The following CTIF variants were observed in gnomAD, a reference collection of about 807,000 sequenced individuals.
CTIF encodes cap binding complex dependent translation initiation factor.
Under a neutral mutation model 66.0 loss-of-function variants are expected in CTIF, and 21 were observed. The observed-to-expected ratio is 0.32, with a 90% confidence interval of 0.23 to 0.46. The LOEUF (loss-of-function observed/expected upper bound fraction) is 0.46. Ranked by LOEUF, CTIF falls within the 20% of genes least tolerant of loss-of-function variation. The pLI, the probability that CTIF is intolerant of heterozygous loss-of-function variation, is 1.00. For synonymous variants in CTIF, 345 were observed against 326.4 expected, an observed-to-expected ratio of 1.06 and a Z score of -0.62; for missense variants, 739 against 812.7, an observed-to-expected ratio of 0.91 and a Z score of 1.10.
intron 6 of CTIF, among the ~76,000 whole-genome samples, chr18:48,701,464 C>T (rs903064238): frequency 3.3e-5 from 5 of 152,052 alleles, no homozygotes; most frequent in Non-Finnish European, 1.5e-5. Flanking sequence ...CTGGAGAAGG[C>T]CCGTAGCCTT....
chr18:48,789,054 G>A (rs112432704), intron 9 of CTIF, among the ~76,000 whole-genome samples: 1 of 152,146 alleles, frequency 6.6e-6, no homozygotes, highest in Non-Finnish European at 1.5e-5. Context: ...GTGCACGTAG[G>A]TCCCTCAGCA....
intron 10 of CTIF, among the ~76,000 whole-genome samples, chr18:48,819,468 G>A (rs112136057): frequency 0.025 from 3,807 of 152,262 alleles, 152 homozygotes; most frequent in African/African-American, 0.087. Flanking sequence ...TGGTGTTGTC[G>A]TCACCTGCTC....
At chr18:48,639,760 G>A (rs988618573) in intron 3 of CTIF, among the ~76,000 whole-genome samples, 2 of 152,290 alleles carry the variant, frequency 1.3e-5, no homozygotes, top group Admixed American at 1.3e-4. Context: ...TGTGGGGGCC[G>A]GATCCTTGCT....
At chr18:48,796,973 G>A (rs1281503149) in intron 9 of CTIF, among the ~76,000 whole-genome samples, 2 of 152,082 alleles carry the variant, frequency 1.3e-5, no homozygotes, top group Non-Finnish European at 1.5e-5. Flanking sequence ...GCCCACCCCA[G>A]AGCAAAAAGG....
intron 1 of CTIF, among the ~76,000 whole-genome samples, chr18:48,580,540 C>T (rs2089631685): frequency 6.6e-6 from 1 of 152,230 alleles, no homozygotes; most frequent in Non-Finnish European, 1.5e-5. Context: ...GCTTTCTACA[C>T]ATCCTGAAGT....
chr18:48,688,699 A>G (rs749763361), intron 6 of CTIF, among the ~76,000 whole-genome samples: 23 of 152,202 alleles, frequency 1.5e-4, no homozygotes, highest in Admixed American at 3.9e-4. Flanking sequence ...GTCTTCCCAC[A>G]CATCCTGTAG....
intron 1 of CTIF, among the ~76,000 whole-genome samples, chr18:48,577,094 T>C (rs557946982): frequency 1.3e-5 from 2 of 152,312 alleles, no homozygotes; most frequent in African/African-American, 4.8e-5. Context: ...GACTTGAGGT[T>C]GGAGACGTGA....
At chr18:48,781,440 G>A (rs1322689722) in intron 9 of CTIF, among the ~76,000 whole-genome samples, 2 of 152,222 alleles carry the variant, frequency 1.3e-5, no homozygotes, top group Non-Finnish European at 2.9e-5. Flanking sequence ...AGGGGAGGCA[G>A]CCAGGCTGGA....
At chr18:48,708,228 A>AGAG (rs2092182930) in intron 6 of CTIF, among the ~76,000 whole-genome samples, 20 of 152,212 alleles carry the variant, frequency 1.3e-4, no homozygotes, top group Admixed American at 1.1e-3. Flanking sequence ...AGCTCTGCCA[A>AGAG]CCTGCATGAG....
intron 10 of CTIF, among the ~76,000 whole-genome samples, chr18:48,847,376 A>G (rs1040839690): frequency 2.6e-5 from 4 of 152,124 alleles, no homozygotes; most frequent in African/African-American, 7.2e-5. Context: ...TGGGAAATTA[A>G]TATCATTCCG....
Position 48,547,423 on chromosome 18 carries a change from G to T in CTIF, c.-29+8111G>T, listed in dbSNP as rs569878150. On this transcript the variant is annotated intron_variant, in intron 1 of 11. Transcript: ENST00000256413. ...TGTCTTCCCATGCTCAGAGTCTTTA[G>T]TTCCTACAGTTTCAAACTCAGGAGA... 6.2e-4 allele frequency among the ~76,000 whole-genome samples: 95 copies of T among 152,294 alleles called. 4 individuals are homozygous for T. The South Asian group carries it at 0.019, about 31-fold the overall frequency.
chr18:48,644,151 A>C (rs1210220714), intron 3 of CTIF, among the ~76,000 whole-genome samples: 1 of 152,150 alleles, frequency 6.6e-6, no homozygotes, highest in Non-Finnish European at 1.5e-5. Flanking sequence ...TCTTTCCTGC[A>C]TGAGGAATTG....
intron 7 of CTIF, among the ~76,000 whole-genome samples, chr18:48,742,668 A>G (rs546360224): frequency 6.6e-6 from 1 of 152,366 alleles, no homozygotes; most frequent in African/African-American, 2.4e-5. Flanking sequence ...AGCCAGTGCA[A>G]TAGACTTTAT....
In CTIF at chr18:48,609,019, A is replaced by G. The variant is rs558399123; in HGVS notation, c.-28-10519A>G. Among the ~76,000 whole-genome samples, 143 of 152,332 alleles carry G rather than the reference A, an allele frequency of 9.4e-4. 1 individual carries two copies. Among genetic ancestry groups the G allele is most frequent in the African/African-American group, 3.2e-3 (133 of 41,576 alleles). The stretch of plus-strand genomic sequence containing the variant: ...TGGTTTCCCTTCCTAGCATGCTCCA[A>G]GTTAATTTTCATTCTTGGCCAATAA... On this transcript the variant is annotated intron_variant, in intron 1 of 11. Transcript: ENST00000256413.
intron 9 of CTIF, among the ~76,000 whole-genome samples, chr18:48,816,552 G>T (rs1002638533): frequency 6.6e-6 from 1 of 152,128 alleles, no homozygotes; most frequent in Non-Finnish European, 1.5e-5. Flanking sequence ...CAGCTCCTTG[G>T]TTTTTTATAC....
rs998706068 is a variant in CTIF, at chr18:48,664,996, G to C, written c.431+445G>C. On this transcript the variant is annotated intron_variant, in intron 5 of 11. Transcript: ENST00000256413. ...GTGGCGCAATCTCGGCTCACTGCAA[G>C]CTCCGCTTCCCGGGTTCACGCCATT... is the stretch of plus-strand genomic sequence containing the variant. 1.8e-4 allele frequency among the ~76,000 whole-genome samples: 27 copies of C among 148,674 alleles called. 1 individual carries two copies. Among genetic ancestry groups the C allele is most frequent in the African/African-American group, 6.7e-4 (27 of 40,458 alleles).
chr18:48,766,110 C>T (rs1373771848), intron 9 of CTIF, among the ~76,000 whole-genome samples: 3 of 116,206 alleles, frequency 2.6e-5, no homozygotes, highest in South Asian at 3.4e-4. Context: ...CCCCTCCCCC[C>T]ACCCCACAAC....
At chr18:48,551,602 C>G (rs1376218059) in intron 1 of CTIF, among the ~76,000 whole-genome samples, 1 of 152,118 alleles carries the variant, frequency 6.6e-6, no homozygotes, top group Non-Finnish European at 1.5e-5. Context: ...AGTTGTTATT[C>G]TTCTCTTTTG....
intron 10 of CTIF, among the ~76,000 whole-genome samples, chr18:48,836,612 C>T (rs1162547433): frequency 6.6e-6 from 1 of 152,222 alleles, no homozygotes. Flanking sequence ...CCAGCACCTG[C>T]CATTCCCCTA....
Sources: gnomAD v4.1 joint callset for allele counts (sites outside exome capture counted in the v4.1 genomes callset) on GRCh38, gnomAD v4.1.1 for gene constraint, MANE v1.5 for transcripts, NCBI Gene and HGNC (gene_info 2026-07-23, HGNC 2026-07-21) for gene names.